CLEC9A: variants seen among roughly 807,000 people sequenced by gnomAD.
CLEC9A encodes C-type lectin domain containing 9A.
Under a neutral mutation model 30.0 loss-of-function variants are expected in CLEC9A, and 24 were observed. The observed-to-expected ratio is 0.80, with a 90% CI of 0.58 to 1.13. The LOEUF is 1.13. Among genes scored for constraint, CLEC9A ranks in the 50% most tolerant of loss-of-function variants. CLEC9A has a pLI of 0.00. For synonymous variants in CLEC9A, 111 were observed against 96.8 expected, an observed-to-expected ratio of 1.15 and a Z score of -0.86; for missense variants, 251 against 280.9, an observed-to-expected ratio of 0.89 and a Z score of 0.76.
At chr12:10,054,519 T>C (rs1221932063) in intron 5 of CLEC9A, among the ~76,000 whole-genome samples, 168 bp downstream of exon 5, 1 of 152,206 alleles carries the variant, frequency 6.6e-6, no homozygotes. Flanking sequence ...TGGATGCCAC[T>C]GATAACTTTC....
intron 7 of CLEC9A, among the ~76,000 whole-genome samples, chr12:10,063,942 A>T (rs1399594691): frequency 6.6e-6 from 1 of 152,156 alleles, no homozygotes; most frequent in Non-Finnish European, 1.5e-5. Flanking sequence ...CAGGAGGTAG[A>T]GGTTTGCAAT....
chr12:10,041,711 T>C (rs1865799342), intron 2 of CLEC9A, 91 bp downstream of exon 2: 1 of 485,782 alleles, frequency 2.1e-6, no homozygotes, highest in Admixed American at 2.2e-5. Context: ...ACATTTTTCT[T>C]AACATCTTTC....
Position 10,041,816 on chromosome 12 carries a change from T to G in CLEC9A, c.-163+196T>G, listed in dbSNP as rs1219426029. 2.0e-5 allele frequency among the ~76,000 whole-genome samples: 3 copies of G among 151,998 alleles called. No homozygotes were observed. The East Asian group carries it at 5.8e-4, about 29-fold the overall frequency. On this transcript the variant is annotated intron_variant, in intron 2 of 8. Coordinates refer to ENST00000355819, the MANE Select transcript of CLEC9A (RefSeq NM_207345.4). The stretch of plus-strand genomic sequence containing the variant: ...ATAATATTCTACAACATTGCTAGAG[T>G]TGATTGGTCAAATTGACTTGTCCCT...
At chr12:10,037,743 C>T (rs928469292) in intron 1 of CLEC9A, among the ~76,000 whole-genome samples, 8 of 152,148 alleles carry the variant, frequency 5.3e-5, no homozygotes, top group African/African-American at 1.9e-4. Flanking sequence ...GGATGTTACT[C>T]AAGAACCTGC....
intron 6 of CLEC9A, among the ~76,000 whole-genome samples, chr12:10,061,931 A>G (rs1048888032): frequency 1.3e-5 from 2 of 152,220 alleles, no homozygotes; most frequent in African/African-American, 2.4e-5. Context: ...ATAATTGCCA[A>G]TGAGAGAAGT....
intron 2 of CLEC9A, among the ~76,000 whole-genome samples, chr12:10,047,242 T>A (rs939433299): frequency 6.6e-6 from 1 of 152,210 alleles, no homozygotes; most frequent in Non-Finnish European, 1.5e-5. Context: ...GAACTAATAA[T>A]TCAGAACACT....
chr12:10,063,776 G>C lies in CLEC9A; in HGVS notation c.471+570G>C, dbSNP rs367865223. ...CACACCTGTAATCCCAGCATTTTGG[G>C]AGGCCAAGGTGGGTGGATCACCTGA... On this transcript the variant is annotated intron_variant, in intron 7 of 8. Transcript: ENST00000355819. Among the ~76,000 whole-genome samples, 14 of 152,328 alleles carry C rather than the reference G, an allele frequency of 9.2e-5. No homozygotes were observed. The East Asian group carries it at 9.6e-4, about 10-fold the overall frequency.
At position 10,053,745 on chromosome 12, in the gene CLEC9A, C is replaced by CTT. The variant is rs111513194; in HGVS notation, c.92-517_92-516dup. ...TTTGAATACAAAAAATCACATATTC[C>CTT]TTTTTTTTTTCCTCTCTGCAGGGTT... On this transcript the variant is annotated intron_variant, in intron 4 of 8. Coordinates refer to ENST00000355819, the MANE Select transcript of CLEC9A (RefSeq NM_207345.4). Among the ~76,000 whole-genome samples the CTT allele has an allele frequency of 7.4e-4, 111 of 149,486 alleles. 1 individual carries two copies. Among genetic ancestry groups the CTT allele is most frequent in the Middle Eastern group, 3.4e-3 (1 of 290 alleles).
intron 2 of CLEC9A, 97 bp downstream of exon 2, chr12:10,041,717 C>A: frequency 4.2e-6 from 2 of 476,826 alleles, no homozygotes; most frequent in Non-Finnish European, 8.4e-6. Flanking sequence ...TTCTTAACAT[C>A]TTTCAGTTTG....
intron 2 of CLEC9A, among the ~76,000 whole-genome samples, chr12:10,050,080 C>T (rs896707943): frequency 6.6e-6 from 1 of 152,046 alleles, no homozygotes; most frequent in Non-Finnish European, 1.5e-5. Flanking sequence ...TAAGGAGGCT[C>T]AAGGAAAAGG....
At chr12:10,043,039 A>C (rs1865811251) in intron 2 of CLEC9A, among the ~76,000 whole-genome samples, 3 of 152,180 alleles carry the variant, frequency 2.0e-5, no homozygotes, top group South Asian at 2.1e-4. Context: ...AGCTTTTTTA[A>C]GTTCTAAGAC....
At chr12:10,036,684 T>C (rs1419305400) in intron 1 of CLEC9A, among the ~76,000 whole-genome samples, 1 of 152,244 alleles carries the variant, frequency 6.6e-6, no homozygotes, top group African/African-American at 2.4e-5. Flanking sequence ...ATTGTTATCT[T>C]AGTATCTTTT....
intron 2 of CLEC9A, chr12:10,043,077 C>A: frequency 5.3e-6 from 1 of 187,048 alleles, no homozygotes; most frequent in Non-Finnish European, 1.1e-5. Flanking sequence ...ATTCAAATAT[C>A]AAATGAAATA....
chr12:10,053,496 T>A (rs993212021), intron 4 of CLEC9A, among the ~76,000 whole-genome samples: 2 of 152,204 alleles, frequency 1.3e-5, no homozygotes, highest in African/African-American at 4.8e-5. Flanking sequence ...CATGCCATGC[T>A]CTGTCCCTCC....
At chr12:10,043,291 G>A (rs1865813608) in intron 2 of CLEC9A, 2 of 250,734 alleles carry the variant, frequency 8.0e-6, no homozygotes, top group Non-Finnish European at 1.6e-5. Flanking sequence ...GTCTGTAAGT[G>A]GGAGATGGCT....
chr12:10,059,574 C>A (rs143194181), intron 5 of CLEC9A, among the ~76,000 whole-genome samples: 86 of 152,046 alleles, frequency 5.7e-4, no homozygotes, highest in African/African-American at 2.1e-3. Context: ...GTTGGATGGA[C>A]CTCATCAAAA....
rs535421080 is a variant in CLEC9A at position 10,041,746 on chromosome 12, A to G, written c.-163+126A>G. 582 of 448,640 alleles carry G rather than the reference A, an allele frequency of 1.3e-3. 10 individuals are homozygous for G. Among genetic ancestry groups the G allele is most frequent in the South Asian group, 6.8e-3 (426 of 62,940 alleles). 27.8% of individuals were successfully genotyped at this position (448,640 alleles called of 1,614,324 possible). A position where few individuals can be genotyped will look rare whatever the true frequency, so the allele number is the denominator to read the frequency against. On this transcript the variant is annotated intron_variant, in intron 2 of 8. Transcript: ENST00000355819. The stretch of plus-strand genomic sequence containing the variant: ...CAGTTTGTACTAATCTAAGAACTTT[A>G]TGAAACCTAGTAAGAATTACAGAAC...
At chr12:10,044,875 T>C (rs1865832243) in intron 2 of CLEC9A, among the ~76,000 whole-genome samples, 1 of 152,242 alleles carries the variant, frequency 6.6e-6, no homozygotes, top group African/African-American at 2.4e-5. Context: ...CTTTGTCACA[T>C]AGTTATGTAG....
At chr12:10,032,698 A>T (rs1399426576) in intron 1 of CLEC9A, among the ~76,000 whole-genome samples, 2 of 151,826 alleles carry the variant, frequency 1.3e-5, no homozygotes, top group African/African-American at 4.8e-5. Flanking sequence ...GCCAATAGGG[A>T]TTTCAAGCTT....
Sources: gnomAD v4.1 joint callset for allele counts (sites outside exome capture counted in the v4.1 genomes callset) on GRCh38, gnomAD v4.1.1 for gene constraint, MANE v1.5 for transcripts, NCBI Gene and HGNC (gene_info 2026-07-23, HGNC 2026-07-21) for gene names.